Variants in RUNX3 observed in about 807,000 individuals in gnomAD.
RUNX3 encodes runt-related transcription factor 3.
A neutral mutation model predicts 27.7 loss-of-function variants in RUNX3; 10 were observed. The observed-to-expected ratio is 0.36, with a 90% CI of 0.22 to 0.61. RUNX3 has a LOEUF of 0.61. Among genes scored for constraint, RUNX3 ranks in the 20% least tolerant of loss-of-function variants. The probability of loss-of-function intolerance (pLI) is 0.72; values close to 1 mark genes in which losing one functional copy is unlikely to be tolerated. For synonymous variants in RUNX3, 270 were observed against 269.2 expected (o/e 1.00, Z -0.03); for missense variants, 469 against 629.5 (o/e 0.75, Z 2.73).
intron 2 of RUNX3, 75 bp from the exon 3 acceptor site, chr1:24,919,419 C>G (rs1240537716): frequency 2.1e-6 from 2 of 968,490 alleles, no homozygotes; most frequent in Non-Finnish European, 3.3e-6. Flanking sequence ...CCACCTGTAT[C>G]TACCCCTGGA....
rs571699076 is a variant in RUNX3 at position 24,910,220 on chromosome 1, C to T, written c.545-2803G>A. On this transcript the variant is annotated intron_variant, in intron 3 of 4. Transcript: ENST00000308873. Reference sequence around the variant, plus strand: ...AGGAGAATCGCTTGAACCCGGGAGGCGGAGGTTGCAGTGAGCCAAGATCAC... The same window carrying T: ...AGGAGAATCGCTTGAACCCGGGAGGTGGAGGTTGCAGTGAGCCAAGATCAC... Among the ~76,000 whole-genome samples the T allele has an allele frequency of 1.0e-4, 14 of 138,618 alleles. No homozygotes were observed. In the South Asian group the frequency reaches 3.1e-3, roughly 31 times the overall value. 90.9% of individuals were successfully genotyped at this position (138,618 alleles called of 152,430 possible).
At chr1:24,905,374 A>C (rs1022536353) in intron 4 of RUNX3, among the ~76,000 whole-genome samples, 2 of 152,244 alleles carry the variant, frequency 1.3e-5, no homozygotes, top group Non-Finnish European at 2.9e-5. Flanking sequence ...CTGACTGCAG[A>C]GTTCATGCTC....
chr1:24,933,544 C>T (rs1038980610), upstream of RUNX3, among the ~76,000 whole-genome samples: 1 of 152,240 alleles, frequency 6.6e-6, no homozygotes, highest in Non-Finnish European at 1.5e-5. Flanking sequence ...CCAGTCCATG[C>T]TGTCCTGATC....
chr1:24,934,190 G>C (rs1337952489), upstream of RUNX3, among the ~76,000 whole-genome samples: 1 of 152,228 alleles, frequency 6.6e-6, no homozygotes, highest in Non-Finnish European at 1.5e-5. Flanking sequence ...AATGATCTCT[G>C]AATATATAAG....
upstream of RUNX3, among the ~76,000 whole-genome samples, chr1:24,930,510 G>C (rs1374399312): frequency 6.6e-6 from 1 of 151,986 alleles, no homozygotes; most frequent in Non-Finnish European, 1.5e-5. This position sits in a 1 kb window ranked among gnomAD's most constrained non-coding sequence, Gnocchi z 4.1. Context: ...CTGGGAGCCC[G>C]GGGCAAATGC....
intron 2 of RUNX3, chr1:24,963,164 C>T (rs1642164413): frequency 6.6e-6 from 1 of 152,580 alleles, no homozygotes; most frequent in Non-Finnish European, 1.5e-5. Flanking sequence ...ACTCAGTCCC[C>T]ATCTGCAGCA....
upstream of RUNX3, chr1:24,930,360 G>C (rs948483132): frequency 3.3e-4 from 137 of 419,366 alleles, no homozygotes; most frequent in Middle Eastern, 1.2e-3. The surrounding 1 kb of genome is among the most constrained non-coding windows in gnomAD (Gnocchi z 4.1). Context: ...ACAGCCAATC[G>C]GCGGAGCCCC....
chr1:24,938,682 G>C (rs1641404128), intron 2 of RUNX3, among the ~76,000 whole-genome samples: 1 of 152,198 alleles, frequency 6.6e-6, no homozygotes, highest in African/African-American at 2.4e-5. Context: ...TTAAGAGGCA[G>C]TGGGGGGCCT....
upstream of RUNX3, among the ~76,000 whole-genome samples, chr1:24,931,500 C>T (rs1045064310): frequency 6.6e-6 from 1 of 152,232 alleles, no homozygotes; most frequent in Non-Finnish European, 1.5e-5. Flanking sequence ...ATTATCGCCC[C>T]AGACACCTCC....
rs114043123 is a variant in RUNX3, at chr1:24,907,169, G to C, written c.703+90C>G. On this transcript the variant is annotated intron_variant, in intron 4 of 4. Coordinates refer to ENST00000308873, the MANE Select transcript of RUNX3 (RefSeq NM_004350.3). ...CAAGGGGGTGCAGTGACTGATCTTC[G>C]GACAGGCTTTTGGTCTGGGGCAGAT... The C allele has an allele frequency of 4.0e-5, 54 of 1,359,842 alleles. No individual in the cohort carries two copies. The South Asian group carries it at 6.8e-4, about 17-fold the overall frequency. The allele number at this position is 1,359,842 out of a possible 1,614,324, so 84.2% of individuals were successfully genotyped here.
chr1:24,913,085 C>G (rs1430549050), intron 3 of RUNX3, among the ~76,000 whole-genome samples: 1 of 152,234 alleles, frequency 6.6e-6, no homozygotes, highest in African/African-American at 2.4e-5. Flanking sequence ...GTTTCCACAT[C>G]TGTAAAGTGG....
chr1:24,928,973 A>G (rs1022087066), intron 1 of RUNX3: 11 of 447,204 alleles, frequency 2.5e-5, no homozygotes, highest in Non-Finnish European at 4.0e-5. Context: ...ACTCCCTGGC[A>G]TAAAGAAAAA....
At chr1:24,964,075 AG>A (rs1398356034) in intron 2 of RUNX3, among the ~76,000 whole-genome samples, 1 of 152,120 alleles carries the variant, frequency 6.6e-6, no homozygotes, top group Non-Finnish European at 1.5e-5. Flanking sequence ...GGTGGTCTCC[AG>A]GAAGACCCCT....
chr1:24,953,294 G>A (rs957707764), intron 2 of RUNX3, among the ~76,000 whole-genome samples: 10 of 150,348 alleles, frequency 6.7e-5, no homozygotes, highest in African/African-American at 2.2e-4. Context: ...GAACCCAGGA[G>A]GCGGAGCTTG....
At position 24,964,638 on chromosome 1, in the gene RUNX3, G is replaced by A. The variant is rs551824186; in HGVS notation, c.-67C>T. On this transcript the variant is annotated 5_prime_UTR_variant, in exon 2 of 7. Coordinates refer to the RUNX3 transcript ENST00000338888. The stretch of plus-strand genomic sequence containing the variant: ...GGTTGGGTTGGGATTCACTTGGTTG[G>A]CTGTTGTTTTATTTTTTTTTCCTCT... The A allele has an allele frequency of 7.3e-5, 113 of 1,554,982 alleles. 1 individual carries two copies. The South Asian group carries it at 1.1e-3, about 15-fold the overall frequency.
chr1:24,910,116 C>G (rs1185876314), intron 3 of RUNX3, among the ~76,000 whole-genome samples: 1 of 152,062 alleles, frequency 6.6e-6, no homozygotes, highest in Non-Finnish European at 1.5e-5. Context: ...TGGTGAAACC[C>G]CGTCTCTACT....
chr1:24,919,462 C>T (rs953569100), intron 2 of RUNX3, 118 bp from the exon 3 acceptor site: 11 of 635,450 alleles, frequency 1.7e-5, no homozygotes, highest in Middle Eastern at 2.6e-4. Context: ...GCACTCTGTC[C>T]TCTTTGAACA....
At chr1:24,921,393 T>C (rs960212611) in intron 2 of RUNX3, among the ~76,000 whole-genome samples, 1 of 152,200 alleles carries the variant, frequency 6.6e-6, no homozygotes, top group Non-Finnish European at 1.5e-5. Flanking sequence ...CAAGACCCAC[T>C]GAGTGTCACT....
rs1641892001 is a variant in RUNX3, at chr1:24,955,446, A to G, written c.58+9068T>C. Among the ~76,000 whole-genome samples the G allele has an allele frequency of 2.6e-5, 4 of 152,118 alleles. No homozygotes were observed. In the South Asian group the frequency reaches 8.3e-4, roughly 32 times the overall value. ...GCCTGAGTCTGTTTTCATCTCCACA[A>G]TGGAGGTGGTGATGCCCAGCACACG... is the stretch of plus-strand genomic sequence containing the variant. On this transcript the variant is annotated intron_variant, in intron 2 of 6. Coordinates refer to the RUNX3 transcript ENST00000338888.
Sources: gnomAD v4.1 joint callset for allele counts (sites outside exome capture counted in the v4.1 genomes callset) on GRCh38, gnomAD v4.1.1 for gene constraint, Gnocchi (gnomAD v3.1) non-coding constraint, MANE v1.5 for transcripts, NCBI Gene and HGNC (gene_info 2026-07-23, HGNC 2026-07-21) for gene names.